Variants in GAB1 observed in about 807,000 individuals in gnomAD.
The protein encoded by GAB1 is GRB2 associated binding protein 1.
Under a neutral mutation model 66.5 loss-of-function variants are expected in GAB1, and 19 were observed. The ratio of observed to expected loss-of-function variants is 0.29; its 90% CI spans 0.20 to 0.42. GAB1 has a LOEUF of 0.42. GAB1 is among the 10% of genes least tolerant of loss of function. The pLI is 1.00. For synonymous variants in GAB1, 294 were observed against 301.4 expected (o/e 0.98, Z 0.25); for missense variants, 732 against 858.5 (o/e 0.85, Z 1.84).
chr4:143,403,991 T>C (rs181282474), intron 1 of GAB1, among the ~76,000 whole-genome samples: 12 of 152,352 alleles, frequency 7.9e-5, no homozygotes, highest in Admixed American at 7.8e-4. Flanking sequence ...TTTGTAACAC[T>C]TCAGTGCTTT....
At chr4:143,437,813 G>A (rs1050086731) in intron 3 of GAB1, among the ~76,000 whole-genome samples, 186 bp from the exon 4 acceptor site, 1 of 152,128 alleles carries the variant, frequency 6.6e-6, no homozygotes, top group African/African-American at 2.4e-5. Context: ...TTTTGTGGTG[G>A]CGGTTTTGTT....
At position 143,438,235 on chromosome 4, in the gene GAB1, G is replaced by T; in HGVS notation, c.830G>T (p.Ser277Ile). 6.2e-7 allele frequency: 1 copy of T among 1,614,080 alleles called. No homozygotes were observed. The change falls in exon 4 of 10, where the codon AGT (serine) becomes ATT (isoleucine). Residue 277 changes from serine (S) to isoleucine (I), a missense_variant. Around this residue, in one of 4 missense-constraint regions of GAB1, gnomAD observed 427 missense variants for 420.6 expected, o/e 1.02. Transcript: ENST00000262994. ...HDVLPKVSPSSTEADGELYVF... is the reference protein window; with the variant it reads ...HDVLPKVSPSITEADGELYVF... ...GTTTTACCAAAGGTGTCTCCATCAAGTACTGAAGCAGATGGAGAACTCTAT... is the reference window on the plus strand; with the variant it reads ...GTTTTACCAAAGGTGTCTCCATCAATTACTGAAGCAGATGGAGAACTCTAT...
Position 143,349,859 on chromosome 4 carries a change from C to T in GAB1, c.72+12599C>T, listed in dbSNP as rs562254474. On this transcript the variant is annotated intron_variant, in intron 1 of 9. Transcript: ENST00000262994. ...TTCAAAACCTCATCCTTGAGAGAGGCCCCCAGGAAAAAGTCAATGATCTCT... is the reference window on the plus strand; with the variant it reads ...TTCAAAACCTCATCCTTGAGAGAGGTCCCCAGGAAAAAGTCAATGATCTCT... 1.1e-4 allele frequency: 177 copies of T among 1,581,812 alleles called. No individual in the cohort carries two copies. The African/African-American group carries it at 2.1e-3, about 19-fold the overall frequency.
intron 1 of GAB1, among the ~76,000 whole-genome samples, chr4:143,398,683 T>C (rs1404314792): frequency 1.3e-5 from 2 of 152,142 alleles, no homozygotes; most frequent in African/African-American, 2.4e-5. Flanking sequence ...GGTCATCTGA[T>C]TGGTTGTTTA....
At chr4:143,399,151 C>T (rs760899903) in intron 1 of GAB1, among the ~76,000 whole-genome samples, 1 of 152,288 alleles carries the variant, frequency 6.6e-6, no homozygotes, top group African/African-American at 2.4e-5. Context: ...TAGTTATTCA[C>T]GTCTAGGACA....
chr4:143,452,224 G>A (rs28485355), intron 6 of GAB1, among the ~76,000 whole-genome samples: 2,467 of 152,186 alleles, frequency 0.016, 71 homozygotes, highest in African/African-American at 0.056. Flanking sequence ...GATTACAGGC[G>A]TAGCCACTGT....
rs1038304634 is a variant in GAB1 at position 143,337,020 on chromosome 4, T to G, written c.-169T>G. 6.5e-6 allele frequency: 4 copies of G among 612,772 alleles called. No homozygotes were observed. The highest frequency in any genetic ancestry group is 1.1e-5 in the Non-Finnish European group (4 of 348,344). The allele number at this position is 612,772 out of a possible 1,614,324, so 38.0% of individuals were successfully genotyped here. ...GTTCGTGGGCCTGCAGAGGAGAGAC[T>G]CGAACTCGTGGAACCCGCGCACCGT... On this transcript the variant is annotated 5_prime_UTR_variant, in exon 1 of 10. Coordinates refer to ENST00000262994, the MANE Select transcript of GAB1 (RefSeq NM_002039.4).
At chr4:143,459,844 T>G (rs924178610) in intron 7 of GAB1, among the ~76,000 whole-genome samples, 18 of 152,192 alleles carry the variant, frequency 1.2e-4, no homozygotes, top group African/African-American at 4.1e-4. Flanking sequence ...TTCTTGGGAT[T>G]CTCAATAATT....
intron 2 of GAB1, among the ~76,000 whole-genome samples, chr4:143,421,698 C>CTTTTTTTTTTTTTTTTTTTCATT (rs70953733): frequency 8.4e-6 from 1 of 118,692 alleles, no homozygotes; most frequent in Non-Finnish European, 1.8e-5. Flanking sequence ...CTTTTCTTTT[C>CTTTTTTTTTTTTTTTTTTTCATT]TTTTTTTTTT....
chr4:143,431,930 ACT>A (rs1052240383), intron 2 of GAB1, among the ~76,000 whole-genome samples: 2 of 152,090 alleles, frequency 1.3e-5, no homozygotes, highest in African/African-American at 4.8e-5. Context: ...GTCTAGCAAA[ACT>A]CTGAAAAAAG....
intron 1 of GAB1, among the ~76,000 whole-genome samples, chr4:143,400,029 C>A (rs1731682901): frequency 6.6e-6 from 1 of 151,554 alleles, no homozygotes; most frequent in South Asian, 2.1e-4. Flanking sequence ...ACCTCCGTCT[C>A]CTGGGTGTTC....
chr4:143,433,276 A>G (rs564186368), intron 2 of GAB1, among the ~76,000 whole-genome samples: 110 of 152,294 alleles, frequency 7.2e-4, no homozygotes, highest in Admixed American at 3.3e-3. Flanking sequence ...GAGGATCTGG[A>G]ATATATATAG....
At chr4:143,428,856 G>A (rs1396726347) in intron 2 of GAB1, among the ~76,000 whole-genome samples, 4 of 109,594 alleles carry the variant, frequency 3.6e-5, no homozygotes, top group African/African-American at 1.4e-4. Flanking sequence ...TGTGGGGTGG[G>A]GGGAGGGGGG....
rs112116938 is a variant in GAB1, at chr4:143,427,639, A to T, written c.368-5852A>T. Among the ~76,000 whole-genome samples, 750 of 152,166 alleles carry T rather than the reference A, an allele frequency of 4.9e-3. 7 individuals carry two copies. Among genetic ancestry groups the T allele is most frequent in the African/African-American group, 0.018 (727 of 41,516 alleles). On this transcript the variant is annotated intron_variant, in intron 2 of 9. Transcript: ENST00000262994. Reference sequence around the variant, plus strand: ...AGCACAATCCTAAGTCAACCAGTTTAAGGTTTGGGAAATTAACTTTTCCCA... The same window carrying T: ...AGCACAATCCTAAGTCAACCAGTTTTAGGTTTGGGAAATTAACTTTTCCCA...
At position 143,423,792 on chromosome 4, in the gene GAB1, GTATATATATATATATATATATATA is replaced by G. The variant is rs35559967; in HGVS notation, c.367+8043_367+8066del. Among the ~76,000 whole-genome samples, 145 of 67,770 alleles carry G rather than the reference GTATATATATATATATATATATATA, an allele frequency of 2.1e-3. 8 individuals are homozygous for G. The South Asian group carries it at 0.086, about 40-fold the overall frequency. 44.5% of individuals were successfully genotyped at this position (67,770 alleles called of 152,430 possible). A position where few individuals can be genotyped will look rare whatever the true frequency, so the allele number is the denominator to read the frequency against. On this transcript the variant is annotated intron_variant, in intron 2 of 9. Coordinates refer to ENST00000262994, the MANE Select transcript of GAB1 (RefSeq NM_002039.4). Reference sequence around the variant, plus strand: ...CTCCATCTCAAAAAAAAAAAAAAGTGTATATATATATATATATATATATATATATATATATATATATATATGTCT... The same window carrying G: ...CTCCATCTCAAAAAAAAAAAAAAGTGTATATATATATATATATATATGTCT...
chr4:143,459,313 A>T, intron 6 of GAB1, 72 bp from the exon 7 acceptor site: 1 of 874,376 alleles, frequency 1.1e-6, no homozygotes, highest in Admixed American at 1.9e-5. Flanking sequence ...AAATAGAGTT[A>T]CAGAGAGAGA....
Position 143,472,374 on chromosome 4 carries a change from T to C in GAB1, c.*3185T>C, listed in dbSNP as rs1039973298. ...ATTAAGGTCATAATTTCTGCTGGAC[T>C]CTTTTATATTTAATTAATGGGGATT... On this transcript the variant is annotated 3_prime_UTR_variant, in exon 10 of 10. Coordinates refer to ENST00000262994, the MANE Select transcript of GAB1 (RefSeq NM_002039.4). 3 of 152,180 alleles carry C rather than the reference T, an allele frequency of 2.0e-5. No homozygotes were observed. The highest frequency in any genetic ancestry group is 7.2e-5 in the African/African-American group (3 of 41,446). The allele number at this position is 152,180 out of a possible 1,614,324, so 9.4% of individuals were successfully genotyped here.
At chr4:143,393,234 AAAAAAAAAAG>A (rs1023679606) in intron 1 of GAB1, among the ~76,000 whole-genome samples, 7 of 151,520 alleles carry the variant, frequency 4.6e-5, no homozygotes, top group Non-Finnish European at 7.4e-5. Flanking sequence ...TTTTTTTAAA[AAAAAAAAAAG>A]AAAAAAAAAG....
intron 9 of GAB1, among the ~76,000 whole-genome samples, chr4:143,467,550 A>C (rs1560791799): frequency 6.6e-6 from 1 of 152,098 alleles, no homozygotes; most frequent in African/African-American, 2.4e-5. Context: ...AAGTCCTTGG[A>C]GGTCTGAATC....
Sources: gnomAD v4.1 joint callset for allele counts (sites outside exome capture counted in the v4.1 genomes callset) on GRCh38, gnomAD v4.1.1 for gene constraint, gnomAD v4.1.1 regional missense constraint, MANE v1.5 for transcripts, NCBI Gene and HGNC (gene_info 2026-07-23, HGNC 2026-07-21) for gene names.